FOXP1: variants seen among roughly 807,000 people sequenced by gnomAD.
FOXP1 encodes the protein forkhead box protein P1.
Under a neutral mutation model 98.2 loss-of-function variants are expected in FOXP1, and 15 were observed. The observed-to-expected ratio is 0.15, with a 90% CI of 0.10 to 0.24. The LOEUF (loss-of-function observed/expected upper bound fraction) is 0.24, where lower values mean the gene tolerates loss of function less well. Ranked by LOEUF, FOXP1 falls within the 10% of genes least tolerant of loss-of-function variation. FOXP1 has a pLI of 1.00. For synonymous variants in FOXP1, 371 were observed against 314.5 expected (o/e 1.18, Z -1.90); for missense variants, 633 against 848.5 (o/e 0.75, Z 3.15).
At chr3:71,205,424 A>G (rs2063962213) in intron 5 of FOXP1, among the ~76,000 whole-genome samples, 1 of 152,234 alleles carries the variant, frequency 6.6e-6, no homozygotes, top group South Asian at 2.1e-4. Flanking sequence ...ATGTCTATCT[A>G]CATGTATCTT....
In FOXP1 at chr3:71,534,321, G is replaced by A. The variant is rs562830743; in HGVS notation, c.-297-40766C>T. ...GGAGGTTGCAGTGAGTGGAGATCAC[G>A]CCATTGCACTCCAGCCTAGGCAAAA... On this transcript the variant is annotated intron_variant, in intron 2 of 20. Coordinates refer to ENST00000649528, the MANE Select transcript of FOXP1 (RefSeq NM_001349338.3). 5.3e-5 allele frequency among the ~76,000 whole-genome samples: 8 copies of A among 152,174 alleles called. No homozygotes were observed. In the South Asian group the frequency reaches 1.2e-3, roughly 24 times the overall value.
chr3:71,164,550 A>ACACAT (rs1478073578), intron 6 of FOXP1, among the ~76,000 whole-genome samples: 1 of 152,212 alleles, frequency 6.6e-6, no homozygotes, highest in East Asian at 1.9e-4. Flanking sequence ...AAAGGAGAAA[A>ACACAT]CACATTGCTA....
intron 2 of FOXP1, chr3:71,567,799 G>T (rs1292372137): frequency 6.6e-6 from 1 of 151,878 alleles, no homozygotes; most frequent in Non-Finnish European, 1.5e-5. Flanking sequence ...AAGAGTGGAC[G>T]TTCTTTCCTG....
intron 4 of FOXP1, among the ~76,000 whole-genome samples, chr3:71,345,244 T>A (rs2077251725): frequency 1.3e-5 from 2 of 151,902 alleles, no homozygotes; most frequent in Admixed American, 1.3e-4. Context: ...AAAAATTCGC[T>A]GGGTGTGGTG....
chr3:71,042,835 G>A (rs1306920216), intron 10 of FOXP1, among the ~76,000 whole-genome samples: 1 of 151,974 alleles, frequency 6.6e-6, no homozygotes, highest in Non-Finnish European at 1.5e-5. Flanking sequence ...GAATACAATG[G>A]ATAGATAATC....
chr3:70,958,767 A>AAAG lies in FOXP1; in HGVS notation c.*479_*480insCTT, dbSNP rs2032489410. On this transcript the variant is annotated 3_prime_UTR_variant, in exon 21 of 21. Transcript: ENST00000649528. ...AAAAAAAAAAAAAAAAAAAAAAAAA[A>AAAG]GGAGTAAAGGCAGTGATAATCAACA... 6.0e-6 allele frequency: 1 copy of AAAG among 167,390 alleles called. No individual in the cohort carries two copies. The highest frequency in any genetic ancestry group is 1.2e-5 in the Non-Finnish European group (1 of 82,532). The allele number at this position is 167,390 out of a possible 1,614,324, so 10.4% of individuals were successfully genotyped here. A position where few individuals can be genotyped will look rare whatever the true frequency, so the allele number is the denominator to read the frequency against.
chr3:71,290,498 C>T (rs1488487635), intron 5 of FOXP1, among the ~76,000 whole-genome samples: 1 of 152,192 alleles, frequency 6.6e-6, no homozygotes, highest in Non-Finnish European at 1.5e-5. Flanking sequence ...TAGTGGCCTC[C>T]TGACAGGTCT....
intron 6 of FOXP1, among the ~76,000 whole-genome samples, chr3:71,141,177 ACAAT>A: frequency 6.6e-6 from 1 of 151,498 alleles, no homozygotes; most frequent in South Asian, 2.1e-4. Context: ...CTGAGGCAGG[ACAAT>A]CAGTTGAACC....
chr3:71,377,000 AAAATTAAT>A (rs540363136), intron 3 of FOXP1, among the ~76,000 whole-genome samples: 72 of 152,240 alleles, frequency 4.7e-4, no homozygotes, highest in Middle Eastern at 3.4e-3. Context: ...TTTTATTCTC[AAAATTAAT>A]AAAAACTGGA....
chr3:71,575,652 G>A (rs533382672), intron 2 of FOXP1, among the ~76,000 whole-genome samples: 52 of 152,290 alleles, frequency 3.4e-4, no homozygotes, highest in African/African-American at 1.2e-3. Flanking sequence ...AGAAACTCAA[G>A]CAAAACTCAC....
At chr3:70,965,381 T>C (rs919455966) in intron 20 of FOXP1, among the ~76,000 whole-genome samples, 3 of 152,220 alleles carry the variant, frequency 2.0e-5, no homozygotes, top group Non-Finnish European at 4.4e-5. Context: ...CCTATTAATT[T>C]TCCTTTTGAT....
Position 71,046,925 on chromosome 3 carries a change from G to C in FOXP1, c.664+17C>G. On this transcript the variant is annotated intron_variant, in intron 10 of 20. Transcript: ENST00000649528. Reference sequence around the variant, plus strand: ...AAGTCTTCACAGAGCTATGCCTTCTGTAAAATCAACGCATACCTTGAGCAA... The same window carrying C: ...AAGTCTTCACAGAGCTATGCCTTCTCTAAAATCAACGCATACCTTGAGCAA... 2 of 1,613,914 alleles carry C rather than the reference G, an allele frequency of 1.2e-6. No homozygotes were observed. Among genetic ancestry groups the C allele is most frequent in the Non-Finnish European group, 1.7e-6 (2 of 1,179,874 alleles).
At position 71,311,430 on chromosome 3, in the gene FOXP1, G is replaced by C. The variant is rs529217742; in HGVS notation, c.-72-11550C>G. ...CCAGTACAGAGCAGTGGCTACGCAG[G>C]GTAGGTGTTCAGTAAATACAGAATG... On this transcript the variant is annotated intron_variant, in intron 4 of 20. Transcript: ENST00000649528. 3.3e-5 allele frequency among the ~76,000 whole-genome samples: 5 copies of C among 152,236 alleles called. No homozygotes were observed. In the East Asian group the frequency reaches 9.7e-4, roughly 29 times the overall value.
intron 6 of FOXP1, among the ~76,000 whole-genome samples, chr3:71,176,840 C>T (rs778827504): frequency 3.3e-5 from 5 of 149,560 alleles, no homozygotes; most frequent in Admixed American, 6.7e-5. Context: ...TGTGGGCAGA[C>T]AGCTTGAGGT....
At chr3:71,542,299 AT>A (rs1428099101) in intron 2 of FOXP1, among the ~76,000 whole-genome samples, 1 of 152,198 alleles carries the variant, frequency 6.6e-6, no homozygotes, top group Non-Finnish European at 1.5e-5. Context: ...TTTTTATGGC[AT>A]TTTTGTTGTT....
chr3:70,977,693 T>C lies in FOXP1; in HGVS notation c.1378A>G (p.Lys460Glu). The C allele has an allele frequency of 6.2e-7, 1 of 1,614,206 alleles. No individual in the cohort carries two copies. The highest frequency in any genetic ancestry group is 8.5e-7 in the Non-Finnish European group (1 of 1,180,018). Residue 460 changes from lysine (K) to glutamate (E), a missense_variant, in exon 16 of 21, where the codon AAG becomes GAG. Physicochemically the swap from Lys to Glu is moderately conservative, Grantham distance 56. Transcript: ENST00000649528. ...ADIAQNQEFYKNAEVRPPFTY... is the reference protein window; with the variant it reads ...ADIAQNQEFYENAEVRPPFTY... ...AATGGTGGTCTAACTTCTGCGTTCTTATAAAATTCTTGGTTCTGCGCAATA... is the reference window on the plus strand; with the variant it reads ...AATGGTGGTCTAACTTCTGCGTTCTCATAAAATTCTTGGTTCTGCGCAATA...
chr3:71,370,245 A>G (rs994630889), intron 3 of FOXP1, among the ~76,000 whole-genome samples: 4 of 152,202 alleles, frequency 2.6e-5, no homozygotes, highest in African/African-American at 9.7e-5. Flanking sequence ...ATTGAGTAAT[A>G]CAGAAATAAA....
intron 6 of FOXP1, among the ~76,000 whole-genome samples, chr3:71,190,797 G>A (rs1473413319): frequency 6.6e-6 from 1 of 152,072 alleles, no homozygotes; most frequent in Non-Finnish European, 1.5e-5. Context: ...ACATTTTCTT[G>A]TCGGCAGGGG....
intron 6 of FOXP1, among the ~76,000 whole-genome samples, chr3:71,115,349 ATTTT>A (rs2058291939): frequency 2.7e-5 from 3 of 112,624 alleles, no homozygotes; most frequent in African/African-American, 1.1e-4. Context: ...TTATTTATTT[ATTTT>A]GGAGACGGAG....
Sources: gnomAD v4.1 joint callset for allele counts (sites outside exome capture counted in the v4.1 genomes callset) on GRCh38, gnomAD v4.1.1 for gene constraint, MANE v1.5 for transcripts, NCBI Gene and HGNC (gene_info 2026-07-23, HGNC 2026-07-21) for gene names.